BCAS3: variants seen among roughly 807,000 people sequenced by gnomAD.
The protein encoded by BCAS3 is BCAS4/BCAS3 fusion.
A neutral mutation model predicts 116.1 loss-of-function variants in BCAS3; 53 were observed. The ratio of observed to expected loss-of-function variants is 0.46; its 90% CI spans 0.37 to 0.57. BCAS3 has a LOEUF of 0.57. Among genes scored for constraint, BCAS3 ranks in the 20% least tolerant of loss-of-function variants. The pLI, the probability that BCAS3 is intolerant of heterozygous loss-of-function variation, is 0.00. For synonymous variants in BCAS3, 391 were observed against 408.2 expected (o/e 0.96, Z 0.51); for missense variants, 917 against 1,165.4 (o/e 0.79, Z 3.10).
chr17:61,201,801 C>T (rs1215966359), intron 22 of BCAS3, among the ~76,000 whole-genome samples: 2 of 151,166 alleles, frequency 1.3e-5, no homozygotes, highest in Admixed American at 1.3e-4. Flanking sequence ...CTCTGTCGCC[C>T]AGGCTGCAGT....
At chr17:60,971,042 G>A (rs2061930404) in intron 14 of BCAS3, among the ~76,000 whole-genome samples, 1 of 152,222 alleles carries the variant, frequency 6.6e-6, no homozygotes, top group South Asian at 2.1e-4. Context: ...CAATCACAGT[G>A]CAGTGCAGGG....
chr17:61,261,535 A>G lies in BCAS3; in HGVS notation c.2426-106792A>G, dbSNP rs184275028. Reference sequence around the variant, plus strand: ...TCATTACTCTTCTGTTATTACATTCATTAGAAAAAAGAGCTGTTTATTTCT... The same window carrying G: ...TCATTACTCTTCTGTTATTACATTCGTTAGAAAAAAGAGCTGTTTATTTCT... On this transcript the variant is annotated intron_variant, in intron 22 of 23. Coordinates refer to ENST00000407086, the MANE Select transcript of BCAS3 (RefSeq NM_017679.5). The surrounding 1 kb of genome is among the most constrained non-coding windows in gnomAD (Gnocchi z 4.4). 1.3e-5 allele frequency among the ~76,000 whole-genome samples: 2 copies of G among 152,274 alleles called. No individual in the cohort carries two copies. Among genetic ancestry groups the G allele is most frequent in the Non-Finnish European group, 2.9e-5 (2 of 68,024 alleles).
At chr17:60,868,182 G>A (rs1283085853) in intron 7 of BCAS3, among the ~76,000 whole-genome samples, 1 of 151,888 alleles carries the variant, frequency 6.6e-6, no homozygotes, top group African/African-American at 2.4e-5. Flanking sequence ...ATGCCACCAT[G>A]CCTGCCTAAT....
intron 5 of BCAS3, among the ~76,000 whole-genome samples, chr17:60,739,210 A>C (rs571471282): frequency 2.0e-5 from 3 of 152,360 alleles, no homozygotes; most frequent in African/African-American, 4.8e-5. Context: ...TCACATATGC[A>C]TAAGTGCATA....
rs2073290983 is a variant in BCAS3 at position 61,088,773 on chromosome 17, A to C, written c.2425+4209A>C. On this transcript the variant is annotated intron_variant, in intron 22 of 23. Coordinates refer to ENST00000407086, the MANE Select transcript of BCAS3 (RefSeq NM_017679.5). This position sits in a 1 kb window ranked among gnomAD's most constrained non-coding sequence, Gnocchi z 4.2. ...GGATGTTTACTAACAAAGAACTCAG[A>C]TAATTGAGATCGAAAGACAAACTTA... 6.6e-6 allele frequency among the ~76,000 whole-genome samples: 1 copy of C among 152,260 alleles called. No homozygotes were observed. Among genetic ancestry groups the C allele is most frequent in the Non-Finnish European group, 1.5e-5 (1 of 68,044 alleles).
rs1196451598 is a variant in BCAS3 at position 61,347,064 on chromosome 17, T to C, written c.2426-21263T>C. Among the ~76,000 whole-genome samples, 1 of 152,184 alleles carries C rather than the reference T, an allele frequency of 6.6e-6. No individual in the cohort carries two copies. The highest frequency in any genetic ancestry group is 1.5e-5 in the Non-Finnish European group (1 of 68,038). ...TTCTATAAAATCACTCTCTAAATAT[T>C]GGATTTTTGTTTTAACAAATTTTTT... On this transcript the variant is annotated intron_variant, in intron 22 of 23. Coordinates refer to ENST00000407086, the MANE Select transcript of BCAS3 (RefSeq NM_017679.5). The surrounding 1 kb of genome is among the most constrained non-coding windows in gnomAD (Gnocchi z 4.3).
At chr17:60,822,840 T>G (rs188712468) in intron 7 of BCAS3, among the ~76,000 whole-genome samples, 3 of 152,336 alleles carry the variant, frequency 2.0e-5, no homozygotes, top group African/African-American at 7.2e-5. Context: ...GCAAGCTTGA[T>G]AAATGTTTTT....
intron 22 of BCAS3, among the ~76,000 whole-genome samples, chr17:61,183,222 A>G (rs2079578556): frequency 6.6e-6 from 1 of 152,104 alleles, no homozygotes; most frequent in South Asian, 2.1e-4. Context: ...CATTACTTTA[A>G]AATTTGCCAT....
At chr17:61,212,025 G>A (rs2081489483) in intron 22 of BCAS3, among the ~76,000 whole-genome samples, 1 of 152,184 alleles carries the variant, frequency 6.6e-6, no homozygotes, top group Non-Finnish European at 1.5e-5. Flanking sequence ...TTTTCTGTAA[G>A]GCTATGAGGA....
chr17:61,202,482 T>C (rs556554438), intron 22 of BCAS3, among the ~76,000 whole-genome samples: 2 of 152,186 alleles, frequency 1.3e-5, no homozygotes, highest in South Asian at 2.1e-4. Flanking sequence ...CTTTTTCCCC[T>C]CCTCATTTTC....
intron 8 of BCAS3, among the ~76,000 whole-genome samples, chr17:60,872,972 T>C (rs2055270016): frequency 6.6e-6 from 1 of 152,100 alleles, no homozygotes; most frequent in African/African-American, 2.4e-5. Context: ...AGTACAGACA[T>C]TGGTAATTAG....
chr17:60,751,121 A>G (rs2042417706), intron 6 of BCAS3, among the ~76,000 whole-genome samples: 3 of 152,218 alleles, frequency 2.0e-5, no homozygotes, highest in African/African-American at 7.2e-5. Flanking sequence ...AAACTGAAGG[A>G]TTTGGATGTC....
chr17:61,123,081 A>G (rs1044742028), intron 22 of BCAS3, among the ~76,000 whole-genome samples: 1 of 151,848 alleles, frequency 6.6e-6, no homozygotes, highest in Admixed American at 6.6e-5. Context: ...AGCTGGGACT[A>G]CAGGCGCCCA....
At position 61,106,779 on chromosome 17, in the gene BCAS3, A is replaced by T. The variant is rs923544168; in HGVS notation, c.2425+22215A>T. 1.3e-5 allele frequency among the ~76,000 whole-genome samples: 2 copies of T among 152,190 alleles called. No homozygotes were observed. Among genetic ancestry groups the T allele is most frequent in the Admixed American group, 6.5e-5 (1 of 15,280 alleles). ...TATTTTAATGGTGGCTGGATCATTT[A>T]TTTGTCTGATTTTCTATCATTAAAC... On this transcript the variant is annotated intron_variant, in intron 22 of 23. Coordinates refer to ENST00000407086, the MANE Select transcript of BCAS3 (RefSeq NM_017679.5). This position sits in a 1 kb window ranked among gnomAD's most constrained non-coding sequence, Gnocchi z 4.2.
At chr17:61,069,563 TGTG>T (rs1229808945) in intron 19 of BCAS3, among the ~76,000 whole-genome samples, 1 of 152,028 alleles carries the variant, frequency 6.6e-6, no homozygotes, top group Non-Finnish European at 1.5e-5. Context: ...TCAGGCCAGG[TGTG>T]GTGGTTCATG....
intron 15 of BCAS3, among the ~76,000 whole-genome samples, chr17:60,999,119 A>G (rs946671548): frequency 1.3e-5 from 2 of 152,198 alleles, no homozygotes; most frequent in Admixed American, 6.5e-5. Context: ...GTCGAAGAAT[A>G]TCAGGTGGTT....
intron 7 of BCAS3, among the ~76,000 whole-genome samples, chr17:60,865,103 A>T (rs2054481585): frequency 6.6e-6 from 1 of 152,172 alleles, no homozygotes; most frequent in South Asian, 2.1e-4. Context: ...AATTACCAAA[A>T]TGTGATGGAG....
chr17:60,731,420 C>T (rs2040441929), intron 5 of BCAS3, among the ~76,000 whole-genome samples: 1 of 152,128 alleles, frequency 6.6e-6, no homozygotes, highest in South Asian at 2.1e-4. Context: ...GCCATGTTGG[C>T]CAGGCTGGTC....
chr17:60,814,306 T>TGCGCGCGCGCGTGTGCGC (rs1555731469), intron 7 of BCAS3, among the ~76,000 whole-genome samples: 1,804 of 148,264 alleles, frequency 0.012, 17 homozygotes, highest in African/African-American at 0.031. Flanking sequence ...TGTGTGTGTG[T>TGCGCGCGCGCGTGTGCGC]GCGCGCGTGC....
Sources: gnomAD v4.1 joint callset for allele counts (sites outside exome capture counted in the v4.1 genomes callset) on GRCh38, gnomAD v4.1.1 for gene constraint, Gnocchi (gnomAD v3.1) non-coding constraint, MANE v1.5 for transcripts, NCBI Gene and HGNC (gene_info 2026-07-23, HGNC 2026-07-21) for gene names.